CCDC149: variants seen among roughly 807,000 people sequenced by gnomAD.
The protein encoded by CCDC149 is coiled-coil domain containing 149, also known as coiled-coil domain-containing protein 149.
Under a neutral mutation model 59.9 loss-of-function variants are expected in CCDC149, and 45 were observed. The observed-to-expected ratio is 0.75, with a 90% CI of 0.59 to 0.96. CCDC149 has a LOEUF of 0.96. CCDC149 is among the 40% of genes least tolerant of loss of function. CCDC149 has a pLI of 0.00. For missense variants in CCDC149, 584 were observed against 664.7 expected, an observed-to-expected ratio of 0.88 and a Z score of 1.33; for synonymous variants, 245 against 260.6, an observed-to-expected ratio of 0.94 and a Z score of 0.58.
Position 24,835,011 on chromosome 4 carries a change from T to C in CCDC149, c.757A>G (p.Asn253Asp). 1.9e-6 allele frequency: 3 copies of C among 1,613,886 alleles called. No individual in the cohort carries two copies. Among genetic ancestry groups the C allele is most frequent in the Non-Finnish European group, 2.5e-6 (3 of 1,179,866 alleles). ...CTGGATTTACCCTGGCCCTTCGAGT[T>C]TTTCCGTCTCTCCAGAGCATTCTAA... Residue 253 changes from asparagine (N) to aspartate (D), a missense_variant, in exon 8 of 13, where the codon AAC (asparagine) becomes GAC (aspartate). Physicochemically the swap from Asn to Asp is conservative, Grantham distance 23 (BLOSUM62 1). Coordinates refer to ENST00000635206, the MANE Select transcript of CCDC149 (RefSeq NM_001330643.2).
intron 12 of CCDC149, among the ~76,000 whole-genome samples, 188 bp from the exon 13 acceptor site, chr4:24,809,007 T>C (rs1480181123): frequency 6.6e-6 from 1 of 152,190 alleles, no homozygotes; most frequent in Non-Finnish European, 1.5e-5. Flanking sequence ...CCAGCGAGCA[T>C]GCATTCTAGT....
At chr4:24,818,059 G>A (rs978847596) in intron 12 of CCDC149, among the ~76,000 whole-genome samples, 1 of 152,158 alleles carries the variant, frequency 6.6e-6, no homozygotes, top group African/African-American at 2.4e-5. Context: ...GGAGAGTCAA[G>A]GAGGATGGAA....
chr4:24,929,379 T>A (rs547028585), intron 1 of CCDC149, among the ~76,000 whole-genome samples: 1 of 152,226 alleles, frequency 6.6e-6, no homozygotes, highest in African/African-American at 2.4e-5. Flanking sequence ...AAATCTCTTC[T>A]CCCTCCTAAT....
In CCDC149 at chr4:24,913,006, C is replaced by G. The variant is rs1721990892; in HGVS notation, c.-127G>C. On this transcript the variant is annotated 5_prime_UTR_variant, in exon 1 of 13. Coordinates refer to ENST00000635206, the MANE Select transcript of CCDC149 (RefSeq NM_001330643.2). ...TCCGAGCCGCTGCGCCGCCGCCTCTCGCGGCCGCCAGCGCTGTTGACTCCA... is the reference window on the plus strand; with the variant it reads ...TCCGAGCCGCTGCGCCGCCGCCTCTGGCGGCCGCCAGCGCTGTTGACTCCA... The G allele has an allele frequency of 4.1e-6, 1 of 243,052 alleles. No individual in the cohort carries two copies. The highest frequency in any genetic ancestry group is 6.8e-6 in the Non-Finnish European group (1 of 147,790). 15.1% of individuals were successfully genotyped at this position (243,052 alleles called of 1,614,324 possible).
At chr4:24,897,220 C>T (rs2109299208) in intron 1 of CCDC149, among the ~76,000 whole-genome samples, 1 of 152,208 alleles carries the variant, frequency 6.6e-6, no homozygotes, top group South Asian at 2.1e-4. Flanking sequence ...AACAAGAGTT[C>T]CAGGCAGAAG....
chr4:24,971,442 G>A (rs1444042682), intron 1 of CCDC149, among the ~76,000 whole-genome samples: 1 of 152,216 alleles, frequency 6.6e-6, no homozygotes, highest in Non-Finnish European at 1.5e-5. Context: ...TAGGAGTGCA[G>A]GTGCACAACC....
intron 1 of CCDC149, among the ~76,000 whole-genome samples, chr4:24,951,254 C>T (rs1201412338): frequency 6.6e-6 from 1 of 152,218 alleles, no homozygotes; most frequent in African/African-American, 2.4e-5. Flanking sequence ...CAAGCTGCCC[C>T]GAATGTTTCC....
intron 1 of CCDC149, among the ~76,000 whole-genome samples, chr4:24,908,532 A>C (rs1037295730): frequency 6.9e-5 from 3 of 43,476 alleles, no homozygotes; most frequent in African/African-American, 2.6e-4. Context: ...CTATCTCTAC[A>C]AAAAAAAAAA....
intron 1 of CCDC149, among the ~76,000 whole-genome samples, chr4:24,941,175 A>C (rs1722944086): frequency 6.6e-6 from 1 of 152,258 alleles, no homozygotes; most frequent in Non-Finnish European, 1.5e-5. Context: ...ATGTAAAAGA[A>C]AAGAAATTAT....
At chr4:24,922,725 A>G (rs1454762484) in intron 1 of CCDC149, among the ~76,000 whole-genome samples, 1 of 152,150 alleles carries the variant, frequency 6.6e-6, no homozygotes, top group Non-Finnish European at 1.5e-5. Context: ...TGAGTGCTAT[A>G]GGAAGGTATT....
At chr4:24,815,122 A>G (rs1403530823) in intron 12 of CCDC149, among the ~76,000 whole-genome samples, 1 of 152,244 alleles carries the variant, frequency 6.6e-6, no homozygotes, top group Non-Finnish European at 1.5e-5. Flanking sequence ...TGAACGATAT[A>G]CATGAATGCA....
chr4:24,916,205 T>G (rs1300436121), upstream of CCDC149, among the ~76,000 whole-genome samples: 1 of 152,170 alleles, frequency 6.6e-6, no homozygotes, highest in African/African-American at 2.4e-5. Flanking sequence ...TCCATATATA[T>G]TCATAGCCCC....
intron 1 of CCDC149, among the ~76,000 whole-genome samples, chr4:24,947,419 C>T (rs1293995045): frequency 6.6e-6 from 1 of 152,160 alleles, no homozygotes. Flanking sequence ...CTGAGGCTTC[C>T]CCAGCCATGC....
At chr4:24,941,869 A>G (rs1307245114) in intron 1 of CCDC149, among the ~76,000 whole-genome samples, 1 of 152,208 alleles carries the variant, frequency 6.6e-6, no homozygotes, top group Non-Finnish European at 1.5e-5. Context: ...CTCTGAATAG[A>G]CCAATAACAG....
At chr4:24,812,920 C>T (rs932143366) in intron 12 of CCDC149, among the ~76,000 whole-genome samples, 5 of 152,176 alleles carry the variant, frequency 3.3e-5, no homozygotes, top group African/African-American at 1.2e-4. Context: ...CCACCCTTGA[C>T]ATGTGGAGAT....
At chr4:24,973,609 A>C (rs1025815021) in intron 1 of CCDC149, among the ~76,000 whole-genome samples, 1 of 152,240 alleles carries the variant, frequency 6.6e-6, no homozygotes, top group African/African-American at 2.4e-5. Flanking sequence ...CCAGAGGATA[A>C]AAAGAACTGA....
chr4:24,803,533 CAT>C (rs149747843), downstream of CCDC149, among the ~76,000 whole-genome samples: 4,098 of 152,246 alleles, frequency 0.027, 199 homozygotes, highest in East Asian at 0.2. The surrounding 1 kb of genome is among the most constrained non-coding windows in gnomAD (Gnocchi z 4.3). Context: ...AAAATTGCCA[CAT>C]GTTTATTTCA....
chr4:24,863,541 C>T (rs1718508700), intron 3 of CCDC149, among the ~76,000 whole-genome samples: 1 of 152,240 alleles, frequency 6.6e-6, no homozygotes, highest in South Asian at 2.1e-4. Flanking sequence ...CACAGGCTGG[C>T]TGTCTTCACT....
chr4:24,930,509 C>T (rs1722557803), intron 1 of CCDC149, among the ~76,000 whole-genome samples: 1 of 152,168 alleles, frequency 6.6e-6, no homozygotes, highest in Non-Finnish European at 1.5e-5. Flanking sequence ...AGTACAAAAA[C>T]TACGATTCTT....
Sources: gnomAD v4.1 joint callset for allele counts (sites outside exome capture counted in the v4.1 genomes callset) on GRCh38, gnomAD v4.1.1 for gene constraint, Gnocchi (gnomAD v3.1) non-coding constraint, MANE v1.5 for transcripts, NCBI Gene and HGNC (gene_info 2026-07-23, HGNC 2026-07-21) for gene names.